TCF4: variants seen among roughly 807,000 people sequenced by gnomAD.
The protein encoded by TCF4 is SL3-3 enhancer factor 2.
In TCF4, 3 loss-of-function variants were observed where a neutral mutation model predicts 82.1. The observed-to-expected ratio is 0.04, with a 90% CI of 0.02 to 0.09. The LOEUF is 0.09. Ranked by LOEUF, TCF4 falls within the 10% of genes least tolerant of loss-of-function variation. The pLI is 1.00. For missense variants in TCF4, 518 were observed against 852.7 expected (o/e 0.61, Z 4.89); for synonymous variants, 276 against 309.6 (o/e 0.89, Z 1.14).
chr18:55,402,825 T>C (rs542606895), intron 6 of TCF4, among the ~76,000 whole-genome samples: 24 of 152,328 alleles, frequency 1.6e-4, no homozygotes, highest in African/African-American at 5.8e-4. Context: ...ACACATGCTA[T>C]ACCTTTGTAT....
At chr18:55,460,993 G>T in intron 5 of TCF4, 26 bp downstream of exon 5, 1 of 1,596,540 alleles carries the variant, frequency 6.3e-7, no homozygotes, top group Non-Finnish European at 8.6e-7. Context: ...TTCAAAAAGT[G>T]TAAGTTAATT....
chr18:55,300,190 C>T (rs1296921616), intron 8 of TCF4, among the ~76,000 whole-genome samples: 1 of 152,130 alleles, frequency 6.6e-6, no homozygotes, highest in Non-Finnish European at 1.5e-5. Context: ...TCTGAACTAA[C>T]AGCCATTTTA....
At position 55,224,403 on chromosome 18, in the gene TCF4, C is replaced by T. The variant is rs2046324459; in HGVS notation, c.*3632G>A. On this transcript the variant is annotated 3_prime_UTR_variant, in exon 20 of 20. Coordinates refer to ENST00000354452, the MANE Select transcript of TCF4 (RefSeq NM_001083962.2). Reference sequence around the variant, plus strand: ...GAGAGGCCTAAAGGCCTTGGTGCCCCATTGTGTTGGAATTCATCATATTCC... The same window carrying T: ...GAGAGGCCTAAAGGCCTTGGTGCCCTATTGTGTTGGAATTCATCATATTCC... 6.6e-6 allele frequency: 1 copy of T among 152,570 alleles called. No homozygotes were observed. The highest frequency in any genetic ancestry group is 2.4e-5 in the African/African-American group (1 of 41,426). 9.5% of individuals were successfully genotyped at this position (152,570 alleles called of 1,614,324 possible).
chr18:55,587,012 C>T, intron 2 of TCF4, 33 bp downstream of exon 2: 2 of 1,592,972 alleles, frequency 1.3e-6, no homozygotes, highest in Non-Finnish European at 1.7e-6. Flanking sequence ...GTTTTTTTCA[C>T]AGCTGTTGTT....
chr18:55,447,678 C>G (rs562253728), intron 5 of TCF4, among the ~76,000 whole-genome samples: 3 of 152,060 alleles, frequency 2.0e-5, no homozygotes, highest in South Asian at 2.1e-4. Context: ...GCAGACATAT[C>G]GATAACATGT....
chr18:55,480,203 C>T (rs965065599), intron 3 of TCF4, among the ~76,000 whole-genome samples: 3 of 148,498 alleles, frequency 2.0e-5, no homozygotes, highest in Admixed American at 6.8e-5. Flanking sequence ...CGTATTTACC[C>T]TCCAGTACTG....
intron 5 of TCF4, among the ~76,000 whole-genome samples, chr18:55,412,427 G>A (rs1178370092): frequency 1.3e-5 from 2 of 151,078 alleles, no homozygotes; most frequent in Admixed American, 6.6e-5. Flanking sequence ...CAAAATATGA[G>A]AATCCCGGAG....
chr18:55,514,879 A>G (rs2096865868), intron 3 of TCF4, among the ~76,000 whole-genome samples: 1 of 152,196 alleles, frequency 6.6e-6, no homozygotes, highest in South Asian at 2.1e-4. Flanking sequence ...TCTGATTATG[A>G]ATAATACATG....
At chr18:55,498,743 A>G (rs1489004004) in intron 3 of TCF4, among the ~76,000 whole-genome samples, 2 of 152,176 alleles carry the variant, frequency 1.3e-5, no homozygotes, top group African/African-American at 2.4e-5. Context: ...TAGTGTTGTA[A>G]GAGTGTCTTT....
intron 3 of TCF4, among the ~76,000 whole-genome samples, chr18:55,514,915 A>C (rs2096866379): frequency 6.6e-6 from 1 of 152,196 alleles, no homozygotes; most frequent in Admixed American, 6.5e-5. Context: ...ATTACTATTA[A>C]AATTATTACC....
intron 3 of TCF4, among the ~76,000 whole-genome samples, chr18:55,514,405 GCACA>G (rs74182104): frequency 0.037 from 4,848 of 130,088 alleles, 148 homozygotes; most frequent in East Asian, 0.19. Flanking sequence ...ATCTATCCAT[GCACA>G]CACACACACA....
At chr18:55,379,561 GA>G (rs1320364515) in intron 6 of TCF4, among the ~76,000 whole-genome samples, 6 of 152,124 alleles carry the variant, frequency 3.9e-5, no homozygotes, top group African/African-American at 1.2e-4. Context: ...GAGGAGGGAG[GA>G]AGGGGACCAG....
At chr18:55,575,473 T>C (rs2097520486) in intron 3 of TCF4, among the ~76,000 whole-genome samples, 1 of 152,240 alleles carries the variant, frequency 6.6e-6, no homozygotes, top group South Asian at 2.1e-4. Flanking sequence ...ATATTTCCAA[T>C]ATAAATCCTT....
intron 17 of TCF4, 50 bp from the exon 18 acceptor site, chr18:55,229,126 A>C: frequency 6.3e-7 from 1 of 1,592,872 alleles, no homozygotes; most frequent in Non-Finnish European, 8.6e-7. Flanking sequence ...GGGAAAAAGA[A>C]GGTGTCTACA....
chr18:55,585,441 G>T, intron 2 of TCF4, 89 bp from the exon 3 acceptor site: 2 of 1,204,132 alleles, frequency 1.7e-6, no homozygotes, highest in Non-Finnish European at 2.5e-6. Context: ...TTACCAAACA[G>T]CTTAGAGTTT....
intron 3 of TCF4, among the ~76,000 whole-genome samples, chr18:55,523,076 T>C (rs9965195): frequency 0.68 from 104,030 of 151,880 alleles, 35,958 homozygotes; most frequent in East Asian, 0.92. Flanking sequence ...AACTTGATAA[T>C]CTCTTTGAAA....
intron 13 of TCF4, among the ~76,000 whole-genome samples, chr18:55,259,059 G>T (rs1471564797): frequency 6.6e-6 from 1 of 152,090 alleles, no homozygotes; most frequent in Non-Finnish European, 1.5e-5. Flanking sequence ...AAGTTTTGTG[G>T]CAATGTGAAA....
intron 3 of TCF4, among the ~76,000 whole-genome samples, chr18:55,485,943 C>T (rs1360179098): frequency 6.6e-6 from 1 of 152,176 alleles, no homozygotes; most frequent in Non-Finnish European, 1.5e-5. Context: ...GGCAAACCAT[C>T]TTTAAGTATT....
chr18:55,518,923 T>C (rs1004983299), intron 3 of TCF4: 2 of 152,126 alleles, frequency 1.3e-5, no homozygotes, highest in South Asian at 2.1e-4. Flanking sequence ...CCTATATTCT[T>C]ACATATTTAC....
Sources: gnomAD v4.1 joint callset for allele counts (sites outside exome capture counted in the v4.1 genomes callset) on GRCh38, gnomAD v4.1.1 for gene constraint, MANE v1.5 for transcripts, NCBI Gene and HGNC (gene_info 2026-07-23, HGNC 2026-07-21) for gene names.